Variants in CCDC85C observed in about 807,000 individuals in gnomAD.
CCDC85C encodes the protein coiled-coil domain containing 85C, also known as coiled-coil domain-containing protein 85C.
CCDC85C carries 18 observed loss-of-function variants against 38.3 expected under a neutral mutation model. The ratio of observed to expected loss-of-function variants is 0.47; its 90% CI spans 0.33 to 0.70. The LOEUF (loss-of-function observed/expected upper bound fraction) is 0.70, where lower values mean the gene tolerates loss of function less well. Among genes scored for constraint, CCDC85C ranks in the 30% least tolerant of loss-of-function variants. CCDC85C has a pLI of 0.03. For missense variants in CCDC85C, 566 were observed against 621.2 expected, an observed-to-expected ratio of 0.91 and a Z score of 0.94; for synonymous variants, 264 against 293.8, an observed-to-expected ratio of 0.90 and a Z score of 1.04.
At chr14:99,570,946 G>A (rs1034725168) in intron 1 of CCDC85C, among the ~76,000 whole-genome samples, 4 of 152,064 alleles carry the variant, frequency 2.6e-5, no homozygotes, top group African/African-American at 7.2e-5. Flanking sequence ...ACCCACCCCT[G>A]CCTCCCAGAT....
chr14:99,590,162 G>A (rs918224180), intron 1 of CCDC85C, among the ~76,000 whole-genome samples: 12 of 152,110 alleles, frequency 7.9e-5, no homozygotes, highest in South Asian at 2.1e-4. Context: ...GGCTGGGGAC[G>A]CCAGCAAAAG....
chr14:99,568,900 G>A (rs1341025877), intron 1 of CCDC85C, among the ~76,000 whole-genome samples: 1 of 152,224 alleles, frequency 6.6e-6, no homozygotes, highest in Non-Finnish European at 1.5e-5. Flanking sequence ...GGACGCTCCA[G>A]CAGACTTCTG....
chr14:99,520,806 A>T lies in CCDC85C; in HGVS notation c.975+1327T>A, dbSNP rs1175205490. On this transcript the variant is annotated intron_variant, in intron 3 of 5. Coordinates refer to ENST00000380243, the MANE Select transcript of CCDC85C (RefSeq NM_001144995.2). The surrounding 1 kb of genome is among the most constrained non-coding windows in gnomAD (Gnocchi z 4.1). ...CACTTCCTCCTCTCCAAAGTAGGGGACACCCCTTCATGCACAGAGCAGTCT... is the reference window on the plus strand; with the variant it reads ...CACTTCCTCCTCTCCAAAGTAGGGGTCACCCCTTCATGCACAGAGCAGTCT... Among the ~76,000 whole-genome samples, 1 of 152,190 alleles carries T rather than the reference A, an allele frequency of 6.6e-6. No homozygotes were observed. The highest frequency in any genetic ancestry group is 1.9e-4 in the East Asian group (1 of 5,172).
intron 1 of CCDC85C, among the ~76,000 whole-genome samples, chr14:99,549,212 T>C (rs1350295991): frequency 6.6e-6 from 1 of 152,250 alleles, no homozygotes; most frequent in Non-Finnish European, 1.5e-5. Flanking sequence ...ATCTATTTCT[T>C]AATAAGAAGT....
intron 1 of CCDC85C, among the ~76,000 whole-genome samples, chr14:99,581,113 T>C (rs1255511618): frequency 6.6e-6 from 1 of 152,000 alleles, no homozygotes; most frequent in African/African-American, 2.4e-5. Context: ...CCACGATCGC[T>C]GAAGCAAAGA....
At chr14:99,519,810 C>A (rs904161687) in intron 3 of CCDC85C, among the ~76,000 whole-genome samples, 1 of 152,182 alleles carries the variant, frequency 6.6e-6, no homozygotes, top group Non-Finnish European at 1.5e-5. Flanking sequence ...AAAGGCCACA[C>A]GTCATGTGAT....
chr14:99,552,884 G>A (rs923458192), intron 1 of CCDC85C, among the ~76,000 whole-genome samples: 2 of 152,202 alleles, frequency 1.3e-5, no homozygotes, highest in African/African-American at 2.4e-5. Flanking sequence ...TCTTGGCACC[G>A]TGACATCACT....
At chr14:99,549,880 CAAGAGG>C (rs1897875824) in intron 1 of CCDC85C, among the ~76,000 whole-genome samples, 1 of 152,196 alleles carries the variant, frequency 6.6e-6, no homozygotes, top group Non-Finnish European at 1.5e-5. Flanking sequence ...GGGCATGTTG[CAAGAGG>C]AGATAATTGG....
Position 99,502,629 on chromosome 14 carries a change from C to G in CCDC85C, c.*12617G>C. The stretch of plus-strand genomic sequence containing the variant: ...TAAATGTGATTCATGCTTAGGTCCT[C>G]GTAGGGGTATCATAACTGATTCTTT... On this transcript the variant is annotated 3_prime_UTR_variant, in exon 6 of 6. Transcript: ENST00000380243. 2 of 1,303,542 alleles carry G rather than the reference C, an allele frequency of 1.5e-6. No homozygotes were observed. The highest frequency in any genetic ancestry group is 2.6e-5 in the South Asian group (2 of 75,534). The allele number at this position is 1,303,542 out of a possible 1,614,324, so 80.7% of individuals were successfully genotyped here.
chr14:99,510,698 A>G lies in CCDC85C; in HGVS notation c.*4548T>C, dbSNP rs1220284209. Reference sequence around the variant, plus strand: ...ACCCACCTCCTGCCGTCCCCCCTGGAGGACAGCCTCCTGTGCCCCCGCCCA... The same window carrying G: ...ACCCACCTCCTGCCGTCCCCCCTGGGGGACAGCCTCCTGTGCCCCCGCCCA... On this transcript the variant is annotated 3_prime_UTR_variant, in exon 6 of 6. Transcript: ENST00000380243. 3.6e-6 allele frequency: 5 copies of G among 1,400,750 alleles called. No homozygotes were observed. 86.8% of individuals were successfully genotyped at this position (1,400,750 alleles called of 1,614,324 possible).
At chr14:99,550,420 G>A (rs1000926063) in intron 1 of CCDC85C, among the ~76,000 whole-genome samples, 4 of 152,158 alleles carry the variant, frequency 2.6e-5, no homozygotes, top group Admixed American at 6.5e-5. Context: ...CCCTAGAAGG[G>A]AACGCAGCCC....
Position 99,507,011 on chromosome 14 carries a change from C to G in CCDC85C, c.*8235G>C. On this transcript the variant is annotated 3_prime_UTR_variant, in exon 6 of 6. Transcript: ENST00000380243. ...AAGAAATCTCTGCCAGTACATTTTT[C>G]TTTATGACATGCTTATTCATGTGAA... The G allele has an allele frequency of 1.0e-6, 1 of 975,204 alleles. No individual in the cohort carries two copies. Among genetic ancestry groups the G allele is most frequent in the Non-Finnish European group, 1.7e-6 (1 of 596,940 alleles). 60.4% of individuals were successfully genotyped at this position (975,204 alleles called of 1,614,324 possible). A position where few individuals can be genotyped will look rare whatever the true frequency, so the allele number is the denominator to read the frequency against.
chr14:99,583,218 T>C (rs966903592), intron 1 of CCDC85C: 2 of 152,234 alleles, frequency 1.3e-5, no homozygotes, highest in African/African-American at 4.8e-5. Flanking sequence ...TAAAAGTGTG[T>C]ATAACTGGCT....
Position 99,510,518 on chromosome 14 carries a change from C to T in CCDC85C, c.*4728G>A. The T allele has an allele frequency of 1.3e-6, 1 of 749,680 alleles. No homozygotes were observed. Among genetic ancestry groups the T allele is most frequent in the Non-Finnish European group, 2.0e-6 (1 of 497,160 alleles). 46.4% of individuals were successfully genotyped at this position (749,680 alleles called of 1,614,324 possible). ...CACCTGTGCCTCCTCCCCCAGCCTC[C>T]TTCCCCCCACCTGCCATCCCACCCC... On this transcript the variant is annotated 3_prime_UTR_variant, in exon 6 of 6. Coordinates refer to ENST00000380243, the MANE Select transcript of CCDC85C (RefSeq NM_001144995.2).
At chr14:99,534,364 A>G (rs907486134) in intron 2 of CCDC85C, among the ~76,000 whole-genome samples, 31 of 152,078 alleles carry the variant, frequency 2.0e-4, no homozygotes, top group African/African-American at 7.2e-4. Context: ...CTCAAAAAAA[A>G]AAAAAGAAAG....
In CCDC85C at chr14:99,502,143, T is replaced by C; in HGVS notation, c.*13103A>G. On this transcript the variant is annotated 3_prime_UTR_variant, in exon 6 of 6. Transcript: ENST00000380243. ...TTAATGGTTAGTTATGGCATCTCCA[T>C]GCACTGGTTTAATCATAAATATTAG... The C allele has an allele frequency of 2.0e-6, 3 of 1,484,946 alleles. No homozygotes were observed. Among genetic ancestry groups the C allele is most frequent in the Non-Finnish European group, 2.7e-6 (3 of 1,113,022 alleles). The allele number at this position is 1,484,946 out of a possible 1,614,324, so 92.0% of individuals were successfully genotyped here.
At position 99,513,014 on chromosome 14, in the gene CCDC85C, C is replaced by T. The variant is rs540957945; in HGVS notation, c.*2232G>A. 1 of 152,368 alleles carries T rather than the reference C, an allele frequency of 6.6e-6. No individual in the cohort carries two copies. Among genetic ancestry groups the T allele is most frequent in the African/African-American group, 2.4e-5 (1 of 41,582 alleles). The allele number at this position is 152,368 out of a possible 1,614,324, so 9.4% of individuals were successfully genotyped here. On this transcript the variant is annotated 3_prime_UTR_variant, in exon 6 of 6. Transcript: ENST00000380243. ...GCCGTGTTGGCTCAGGGGTCACCAGCTTTGTGCTGCCTCCGTAACAGCAGG... is the reference window on the plus strand; with the variant it reads ...GCCGTGTTGGCTCAGGGGTCACCAGTTTTGTGCTGCCTCCGTAACAGCAGG...
chr14:99,549,330 T>A (rs1227250356), intron 1 of CCDC85C, among the ~76,000 whole-genome samples: 1 of 152,164 alleles, frequency 6.6e-6, no homozygotes, highest in East Asian at 1.9e-4. Flanking sequence ...CATATGGAAA[T>A]CCCACAAACA....
chr14:99,568,525 A>T (rs1275430651), intron 1 of CCDC85C, among the ~76,000 whole-genome samples: 1 of 151,390 alleles, frequency 6.6e-6, no homozygotes, highest in Non-Finnish European at 1.5e-5. Flanking sequence ...AGAAGACAGC[A>T]CCCCCACTAC....
Sources: gnomAD v4.1 joint callset for allele counts (sites outside exome capture counted in the v4.1 genomes callset) on GRCh38, gnomAD v4.1.1 for gene constraint, Gnocchi (gnomAD v3.1) non-coding constraint, MANE v1.5 for transcripts, NCBI Gene and HGNC (gene_info 2026-07-23, HGNC 2026-07-21) for gene names.